UVRAG: variants seen among roughly 807,000 people sequenced by gnomAD.
UVRAG encodes UV radiation resistance-associated gene protein.
Under a neutral mutation model 78.0 loss-of-function variants are expected in UVRAG, and 19 were observed. The ratio of observed to expected loss-of-function variants is 0.24; its 90% CI spans 0.17 to 0.36. UVRAG has a LOEUF of 0.36. Among genes scored for constraint, UVRAG ranks in the 10% least tolerant of loss-of-function variants. The pLI is 1.00. For synonymous variants in UVRAG, 323 were observed against 324.6 expected, an observed-to-expected ratio of 1.00 and a Z score of 0.05; for missense variants, 740 against 853.8, an observed-to-expected ratio of 0.87 and a Z score of 1.66.
chr11:75,863,140 A>G (rs942786053), intron 3 of UVRAG, among the ~76,000 whole-genome samples: 1 of 152,210 alleles, frequency 6.6e-6, no homozygotes, highest in African/African-American at 2.4e-5. Flanking sequence ...TGTCTCTAAA[A>G]TATCAATAGA....
intron 3 of UVRAG, among the ~76,000 whole-genome samples, chr11:75,862,681 A>G (rs779176004): frequency 1.3e-5 from 2 of 152,132 alleles, no homozygotes; most frequent in Non-Finnish European, 2.9e-5. Context: ...TTCTATGGCT[A>G]TCTCATCTAG....
chr11:75,907,611 T>G lies in UVRAG; in HGVS notation c.508-4343T>G, dbSNP rs534135300. ...TCACTGTACCCTCAAACTCCTGGGCTCAAGTGATCCTCCCACCTCAGCCTC... is the reference window on the plus strand; with the variant it reads ...TCACTGTACCCTCAAACTCCTGGGCGCAAGTGATCCTCCCACCTCAGCCTC... On this transcript the variant is annotated intron_variant, in intron 5 of 14. Coordinates refer to ENST00000356136, the MANE Select transcript of UVRAG (RefSeq NM_003369.4). Among the ~76,000 whole-genome samples the G allele has an allele frequency of 1.3e-3, 195 of 152,174 alleles. 1 individual carries two copies. Among genetic ancestry groups the G allele is most frequent in the African/African-American group, 4.5e-3 (185 of 41,510 alleles).
intron 3 of UVRAG, 56 bp from the exon 4 acceptor site, chr11:75,879,823 A>G: frequency 6.4e-7 from 1 of 1,567,466 alleles, no homozygotes. Flanking sequence ...CACCTAATTG[A>G]AATAATCGTA....
intron 13 of UVRAG, among the ~76,000 whole-genome samples, chr11:76,089,173 T>C (rs1429922608): frequency 6.6e-6 from 1 of 152,140 alleles, no homozygotes; most frequent in African/African-American, 2.4e-5. Context: ...GCTTTGCTTG[T>C]GTCTAGGAAG....
intron 4 of UVRAG, among the ~76,000 whole-genome samples, chr11:75,883,176 T>C (rs1349253736): frequency 6.6e-6 from 1 of 152,086 alleles, no homozygotes; most frequent in African/African-American, 2.4e-5. Context: ...ACGTTCTGGT[T>C]GCAGGGCTCT....
At chr11:75,989,464 G>T (rs1415922173) in intron 8 of UVRAG, among the ~76,000 whole-genome samples, 1 of 152,102 alleles carries the variant, frequency 6.6e-6, no homozygotes, top group Non-Finnish European at 1.5e-5. Flanking sequence ...CTTCTCTCAG[G>T]AATCATTATA....
intron 13 of UVRAG, among the ~76,000 whole-genome samples, chr11:76,090,356 A>G (rs1203744845): frequency 6.6e-6 from 1 of 152,134 alleles, no homozygotes; most frequent in Non-Finnish European, 1.5e-5. Flanking sequence ...CTTCCCCTTC[A>G]TGAATATTCA....
chr11:75,865,328 C>T (rs1357103360), intron 3 of UVRAG, among the ~76,000 whole-genome samples: 4 of 149,720 alleles, frequency 2.7e-5, no homozygotes, highest in East Asian at 3.9e-4. Flanking sequence ...AGAGTGTTTT[C>T]CCCCAAATAT....
intron 12 of UVRAG, among the ~76,000 whole-genome samples, chr11:76,026,981 A>T (rs1222071627): frequency 6.6e-6 from 1 of 152,098 alleles, no homozygotes. Context: ...GAAAAAAAAA[A>T]AGTCCATGCA....
intron 12 of UVRAG, among the ~76,000 whole-genome samples, chr11:76,062,693 C>T (rs530424247): frequency 2.0e-5 from 3 of 152,126 alleles, no homozygotes; most frequent in Non-Finnish European, 4.4e-5. Context: ...TTATTGAAGA[C>T]CTAATACTGA....
intron 5 of UVRAG, among the ~76,000 whole-genome samples, chr11:75,906,263 A>G (rs575705408): frequency 6.6e-6 from 1 of 152,254 alleles, no homozygotes; most frequent in East Asian, 1.9e-4. Flanking sequence ...CTAAGAATAG[A>G]TTGGTAAATC....
In UVRAG at chr11:75,977,315, C is replaced by T. The variant is rs953259538; in HGVS notation, c.700-6072C>T. ...TATGTGGTCAATTTTGGAGTAAGTG[C>T]GATGTGGTGCTGAGAAGGGTGTATA... On this transcript the variant is annotated intron_variant, in intron 7 of 14. Transcript: ENST00000356136. Among the ~76,000 whole-genome samples the T allele has an allele frequency of 3.7e-4, 56 of 152,014 alleles. 1 individual carries two copies. Among genetic ancestry groups the T allele is most frequent in the African/African-American group, 1.3e-3 (52 of 41,376 alleles).
chr11:75,933,712 A>G (rs1370683477), intron 6 of UVRAG, among the ~76,000 whole-genome samples: 1 of 152,270 alleles, frequency 6.6e-6, no homozygotes, highest in Non-Finnish European at 1.5e-5. Flanking sequence ...CATTTCTCAA[A>G]GGAAGACATA....
intron 13 of UVRAG, among the ~76,000 whole-genome samples, chr11:76,075,212 A>G (rs931236267): frequency 6.6e-6 from 1 of 152,206 alleles, no homozygotes; most frequent in African/African-American, 2.4e-5. Context: ...TACTGCATAC[A>G]AAATTTGCCA....
At chr11:75,977,324 G>C (rs1016314520) in intron 7 of UVRAG, among the ~76,000 whole-genome samples, 5 of 152,202 alleles carry the variant, frequency 3.3e-5, no homozygotes, top group Admixed American at 3.3e-4. Context: ...GCGATGTGGT[G>C]CTGAGAAGGG....
intron 1 of UVRAG, among the ~76,000 whole-genome samples, chr11:75,829,743 C>G (rs1168948281): frequency 1.3e-5 from 2 of 152,144 alleles, no homozygotes; most frequent in Non-Finnish European, 2.9e-5. Context: ...AGAAACAGCC[C>G]TATACTATAT....
chr11:76,140,122 T>TAC (rs1318257962), intron 14 of UVRAG, among the ~76,000 whole-genome samples: 1 of 57,808 alleles, frequency 1.7e-5, no homozygotes, highest in African/African-American at 9.7e-5. Context: ...CCTCTCTCTC[T>TAC]CTCTCTCTCT....
chr11:76,006,685 A>AGAGAG (rs1484175729), intron 9 of UVRAG, among the ~76,000 whole-genome samples: 2 of 149,372 alleles, frequency 1.3e-5, no homozygotes, highest in Admixed American at 6.7e-5. Context: ...AAAAAAAAAA[A>AGAGAG]AGAGAGAGAG....
chr11:75,921,488 A>G (rs1947979004), intron 6 of UVRAG, among the ~76,000 whole-genome samples: 1 of 152,126 alleles, frequency 6.6e-6, no homozygotes, highest in Non-Finnish European at 1.5e-5. Context: ...AAATCTGACA[A>G]TTACATCTTG....
Sources: gnomAD v4.1 joint callset for allele counts (sites outside exome capture counted in the v4.1 genomes callset) on GRCh38, gnomAD v4.1.1 for gene constraint, MANE v1.5 for transcripts, NCBI Gene and HGNC (gene_info 2026-07-23, HGNC 2026-07-21) for gene names.